Variants in F11 observed in about 807,000 individuals in gnomAD.
F11 encodes coagualtion factor XI.
A neutral mutation model predicts 76.5 loss-of-function variants in F11; 78 were observed. The ratio of observed to expected loss-of-function variants is 1.02; its 90% CI spans 0.85 to 1.23. The LOEUF is 1.23. Ranked by LOEUF, F11 falls within the 50% of genes most tolerant of loss-of-function variation. The pLI, the probability that F11 is intolerant of heterozygous loss-of-function variation, is 0.00. For synonymous variants in F11, 278 were observed against 276.3 expected (o/e 1.01, Z -0.06); for missense variants, 742 against 771.4 (o/e 0.96, Z 0.45).
Position 186,284,031 on chromosome 4 carries a change from G to C in F11, c.1136-61G>C, listed in dbSNP as rs938002088. ...AGGTTTTCTTCTTGTTCCTGAAGGA[G>C]CATAATTACTGATGGAAAGGAAGAT... On this transcript the variant is annotated intron_variant, in intron 10 of 14. Transcript: ENST00000403665. The C allele has an allele frequency of 5.0e-6, 8 of 1,612,710 alleles. No homozygotes were observed. In the African/African-American group the frequency reaches 1.1e-4, roughly 22 times the overall value.
Position 186,287,991 on chromosome 4 carries a change from G to A in F11, c.1716+168G>A, listed in dbSNP as rs184532749. Among the ~76,000 whole-genome samples, 2,921 of 151,578 alleles carry A rather than the reference G, an allele frequency of 0.019. 88 individuals are homozygous for A. The highest frequency in any genetic ancestry group is 0.065 in the African/African-American group (2,686 of 41,268). On this transcript the variant is annotated intron_variant, in intron 14 of 14. Transcript: ENST00000403665. Reference sequence around the variant, plus strand: ...TCGATCTCAGCTCACTGCAAGCTCTGCCTCCCAGGTTCACGCCATTCTCCT... The same window carrying A: ...TCGATCTCAGCTCACTGCAAGCTCTACCTCCCAGGTTCACGCCATTCTCCT...
intron 3 of F11, among the ~76,000 whole-genome samples, chr4:186,272,476 A>G (rs2126724106): frequency 6.6e-6 from 1 of 152,356 alleles, no homozygotes; most frequent in African/African-American, 2.4e-5. Context: ...CATTTTAAAC[A>G]GTCCACCAAC....
rs371232210 is a variant in F11, at chr4:186,287,835, T to G, written c.1716+12T>G. 4 of 1,610,944 alleles carry G rather than the reference T, an allele frequency of 2.5e-6. No homozygotes were observed. The highest frequency in any genetic ancestry group is 3.4e-6 in the Non-Finnish European group (4 of 1,178,002). The stretch of plus-strand genomic sequence containing the variant: ...AGGACGCTTGCAAGGTAACAGAGTG[T>G]TCTTAGCCAATGGAATATATGCAAA... On this transcript the variant is annotated intron_variant, in intron 14 of 14. Transcript: ENST00000403665.
chr4:186,283,201 A>ACACACCTATGCGAC, intron 10 of F11: 2 of 218,820 alleles, frequency 9.1e-6, no homozygotes, highest in Non-Finnish European at 1.5e-5. Context: ...TTTGAGTCGC[A>ACACACCTATGCGAC]TAGGTGTGTG....
rs750564001 is a variant in F11, at chr4:186,271,790, A to G, written c.218+19A>G. The G allele has an allele frequency of 1.1e-5, 18 of 1,613,932 alleles. No homozygotes were observed. The highest frequency in any genetic ancestry group is 1.4e-5 in the Non-Finnish European group (16 of 1,179,798). ...CCCGATGGTAAATGCTTATGTTTCTACATCGAGGAGACAGATTTTTAAAGG... is the reference window on the plus strand; with the variant it reads ...CCCGATGGTAAATGCTTATGTTTCTGCATCGAGGAGACAGATTTTTAAAGG... On this transcript the variant is annotated intron_variant, in intron 3 of 14. Coordinates refer to ENST00000403665, the MANE Select transcript of F11 (RefSeq NM_000128.4).
rs1415540227 is a variant in F11, at chr4:186,280,511, C to T, written c.1066C>T (p.Pro356Ser). ...CTTAAAGCTTTCTTCAAACGGATCT[C>T]CAACTAAAATACTTCACGGGAGAGG... ...CYLKLSSNGS[P>S]TKILHGRGGI... The change falls in exon 10 of 15, where the codon CCA (proline) becomes TCA (serine). Residue 356 changes from proline to serine, a missense_variant. Transcript: ENST00000403665. 5.0e-6 allele frequency: 8 copies of T among 1,614,152 alleles called. No individual in the cohort carries two copies. The highest frequency in any genetic ancestry group is 6.8e-6 in the Non-Finnish European group (8 of 1,180,036).
At chr4:186,290,429 T>A (rs550703866), downstream of F11, among the ~76,000 whole-genome samples, 2 of 152,128 alleles carry the variant, frequency 1.3e-5, no homozygotes, top group Non-Finnish European at 2.9e-5. Context: ...CGTTCAAGAG[T>A]ATCAAACAAT....
intron 10 of F11, chr4:186,282,834 C>T (rs1370291377): frequency 2.0e-5 from 20 of 985,150 alleles, no homozygotes; most frequent in South Asian, 4.7e-5. Flanking sequence ...TGTTTCCTTC[C>T]GAACTCCTTC....
At chr4:186,269,764 G>C (rs927362510) in intron 2 of F11, among the ~76,000 whole-genome samples, 4 of 152,124 alleles carry the variant, frequency 2.6e-5, no homozygotes, top group African/African-American at 7.2e-5. Context: ...TATGCTATCT[G>C]TCATAATAAA....
rs997903231 is a variant in F11, at chr4:186,289,666, C to CAATT, written c.*1053_*1056dup. Among the ~76,000 whole-genome samples the CAATT allele has an allele frequency of 6.8e-6, 1 of 147,350 alleles. No homozygotes were observed. Among genetic ancestry groups the CAATT allele is most frequent in the African/African-American group, 2.5e-5 (1 of 39,608 alleles). ...CTTTCAATCTGTGCCAACAACTATA[C>CAATT]AATTCATCAAGTGTGATTTTTTTTT... On this transcript the variant is annotated 3_prime_UTR_variant, in exon 15 of 15. Transcript: ENST00000403665.
At chr4:186,283,719 G>T (rs965861660) in intron 10 of F11, among the ~76,000 whole-genome samples, 1 of 152,204 alleles carries the variant, frequency 6.6e-6, no homozygotes, top group Non-Finnish European at 1.5e-5. Flanking sequence ...TCATTCACTG[G>T]ATCTGAGGTT....
At chr4:186,266,582 C>A (rs980247077) in intron 1 of F11, among the ~76,000 whole-genome samples, 2 of 152,214 alleles carry the variant, frequency 1.3e-5, no homozygotes, top group African/African-American at 4.8e-5. Context: ...ATTTGTCTCA[C>A]TGATGACTCC....
intron 12 of F11, 80 bp from the exon 13 acceptor site, chr4:186,286,335 G>C: frequency 2.4e-6 from 3 of 1,247,632 alleles, no homozygotes; most frequent in Non-Finnish European, 3.5e-6. Context: ...CACAGATAAT[G>C]TACAGTGGAA....
chr4:186,270,893 A>G (rs1482271181), intron 2 of F11, among the ~76,000 whole-genome samples: 1 of 147,216 alleles, frequency 6.8e-6, no homozygotes, highest in African/African-American at 2.5e-5. Flanking sequence ...TTTTATAGAG[A>G]CAGGGTCTTG....
chr4:186,273,292 T>C, intron 4 of F11, 115 bp downstream of exon 4: 1 of 836,924 alleles, frequency 1.2e-6, no homozygotes, highest in Admixed American at 1.9e-5. Context: ...TAAACCCCCT[T>C]AATGAAGTTC....
At chr4:186,285,578 A>C (rs908100722) in intron 11 of F11, 60 bp from the exon 12 acceptor site, 11 of 1,532,068 alleles carry the variant, frequency 7.2e-6, no homozygotes, top group Non-Finnish European at 9.9e-6. Flanking sequence ...CACACTTCAC[A>C]ATGTCTGGGA....
At position 186,271,625 on chromosome 4, in the gene F11, G is replaced by A; in HGVS notation, c.72G>A (p.Leu24=). 6.2e-7 allele frequency: 1 copy of A among 1,614,162 alleles called. No homozygotes were observed. The highest frequency in any genetic ancestry group is 8.5e-7 in the Non-Finnish European group (1 of 1,180,018). ...TSVSGECVTQ[L]LKDTCFEGGD... is the part of the protein sequence containing the mutation. ...ACATCACAGAATGTGTGACTCAGTT[G>A]TTGAAGGACACCTGCTTTGAAGGAG... The change falls in exon 3 of 15, where the codon TTG becomes TTA. Residue 24 remains leucine, a synonymous_variant. Transcript: ENST00000403665.
At chr4:186,270,227 C>T (rs1009820163) in intron 2 of F11, among the ~76,000 whole-genome samples, 1 of 152,198 alleles carries the variant, frequency 6.6e-6, no homozygotes, top group African/African-American at 2.4e-5. Flanking sequence ...ACAGCAAGCA[C>T]TTGCTCGTTC....
chr4:186,280,475 G>T lies in F11; in HGVS notation c.1030G>T (p.Gly344Cys), dbSNP rs762599144. 7 of 1,614,016 alleles carry T rather than the reference G, an allele frequency of 4.3e-6. No individual in the cohort carries two copies. The highest frequency in any genetic ancestry group is 4.2e-6 in the Non-Finnish European group (5 of 1,180,036). Residue 344 changes from glycine (G) to cysteine (C), a missense_variant and splice_region_variant, in exon 10 of 15, where the codon GGC (glycine) becomes TGC (cysteine). Transcript: ENST00000403665. Reference sequence around the variant, plus strand: ...ATACCGTTTTGTTTCCAACTGCAGGGGCAAGTGTTACTTAAAGCTTTCTTC... The same window carrying T: ...ATACCGTTTTGTTTCCAACTGCAGGTGCAAGTGTTACTTAAAGCTTTCTTC... Reference protein sequence around the residue: ...PAQASCNEGKGKCYLKLSSNG... With the variant: ...PAQASCNEGKCKCYLKLSSNG...
Sources: allele counts gnomAD v4.1 joint callset (sites outside exome capture counted in the v4.1 genomes callset), GRCh38; gene constraint gnomAD v4.1.1; transcripts MANE v1.5; gene names NCBI Gene and HGNC (gene_info 2026-07-23, HGNC 2026-07-21).